Variants in DLGAP2 observed in about 807,000 individuals in gnomAD.
DLGAP2 encodes disks large-associated protein 2.
A neutral mutation model predicts 100.3 loss-of-function variants in DLGAP2; 26 were observed. The observed-to-expected ratio is 0.26, with a 90% CI of 0.19 to 0.36. DLGAP2 has a LOEUF of 0.36. Ranked by LOEUF, DLGAP2 falls within the 10% of genes least tolerant of loss-of-function variation. The probability of loss-of-function intolerance (pLI) is 1.00; values close to 1 mark genes in which losing one functional copy is unlikely to be tolerated. For missense variants in DLGAP2, 1,858 were observed against 1,453.2 expected (o/e 1.28, Z -4.53); for synonymous variants, 886 against 630.1 (o/e 1.41, Z -6.08).
At chr8:1,219,080 A>C (rs944920166) in intron 2 of DLGAP2, among the ~76,000 whole-genome samples, 18 of 152,146 alleles carry the variant, frequency 1.2e-4, no homozygotes, top group African/African-American at 3.4e-4. Flanking sequence ...AGGTAGTTTG[A>C]CTTCTTCTCT....
rs139848543 is a variant in DLGAP2 at position 805,425 on chromosome 8, A to G, written c.18+67600A>G. 5.9e-3 allele frequency among the ~76,000 whole-genome samples: 904 copies of G among 152,104 alleles called. 9 individuals are homozygous for G. The highest frequency in any genetic ancestry group is 0.02 in the African/African-American group (831 of 41,482). Reference sequence around the variant, plus strand: ...GTGCTTCCTCATCTTTGGGGCCACTACGTTTTTATGTCCCGCTAGACTCTT... The same window carrying G: ...GTGCTTCCTCATCTTTGGGGCCACTGCGTTTTTATGTCCCGCTAGACTCTT... On this transcript the variant is annotated intron_variant, in intron 1 of 14. Transcript: ENST00000637795.
chr8:1,645,075 A>T lies in DLGAP2; in HGVS notation c.1810+12029A>T, dbSNP rs971485149. Reference sequence around the variant, plus strand: ...GCACCACAGCACTCTAGCCTGGGTGACAGCAAGACCATGTCTCTAATGAAT... The same window carrying T: ...GCACCACAGCACTCTAGCCTGGGTGTCAGCAAGACCATGTCTCTAATGAAT... On this transcript the variant is annotated intron_variant, in intron 8 of 14. Transcript: ENST00000637795. Among the ~76,000 whole-genome samples, 13 of 152,354 alleles carry T rather than the reference A, an allele frequency of 8.5e-5. No individual in the cohort carries two copies. In the East Asian group the frequency reaches 2.5e-3, roughly 29 times the overall value.
chr8:1,637,087 C>T (rs758478356), intron 8 of DLGAP2, among the ~76,000 whole-genome samples: 2 of 152,216 alleles, frequency 1.3e-5, no homozygotes, highest in Non-Finnish European at 2.9e-5. Context: ...CAGGATGTCT[C>T]TGCAGACGTG....
At chr8:1,180,343 C>G (rs949005707) in intron 2 of DLGAP2, among the ~76,000 whole-genome samples, 2 of 152,230 alleles carry the variant, frequency 1.3e-5, no homozygotes, top group African/African-American at 2.4e-5. Context: ...ACCCTGGCCA[C>G]CAGAAGCACG....
At chr8:1,313,352 C>G (rs1288056567) in intron 3 of DLGAP2, among the ~76,000 whole-genome samples, 1 of 152,176 alleles carries the variant, frequency 6.6e-6, no homozygotes, top group African/African-American at 2.4e-5. Context: ...ACAAATTTGT[C>G]TTCTTCACCA....
chr8:1,199,506 C>G (rs1040836060), intron 2 of DLGAP2, among the ~76,000 whole-genome samples: 1 of 152,170 alleles, frequency 6.6e-6, no homozygotes, highest in Non-Finnish European at 1.5e-5. Flanking sequence ...TGAAGGCTGC[C>G]TGTGTGTCTG....
chr8:946,430 A>AT (rs1799324236), intron 2 of DLGAP2, among the ~76,000 whole-genome samples: 1 of 151,538 alleles, frequency 6.6e-6, no homozygotes, highest in African/African-American at 2.4e-5. Flanking sequence ...CGCCCGGCTA[A>AT]TTTTTTGTAG....
chr8:833,758 T>G (rs1796823162), intron 1 of DLGAP2, among the ~76,000 whole-genome samples: 1 of 152,248 alleles, frequency 6.6e-6, no homozygotes, highest in African/African-American at 2.4e-5. Flanking sequence ...TTTATTTAAA[T>G]GTATGCATAC....
chr8:1,112,061 C>G (rs972563249), intron 2 of DLGAP2, among the ~76,000 whole-genome samples: 1 of 152,060 alleles, frequency 6.6e-6, no homozygotes, highest in Non-Finnish European at 1.5e-5. Context: ...CACAACCTCA[C>G]CAGCATCCGT....
chr8:1,162,154 G>A (rs528305290), intron 2 of DLGAP2, among the ~76,000 whole-genome samples: 1 of 152,238 alleles, frequency 6.6e-6, no homozygotes, highest in Non-Finnish European at 1.5e-5. Flanking sequence ...AAGCCCTCCC[G>A]GCAGCAGGGG....
chr8:1,500,296 A>T (rs1290204591), intron 3 of DLGAP2, among the ~76,000 whole-genome samples: 2 of 152,182 alleles, frequency 1.3e-5, no homozygotes, highest in African/African-American at 2.4e-5. Context: ...CCTCCCTGAG[A>T]TCCAGCTGTG....
chr8:1,047,922 G>T (rs949092689), intron 2 of DLGAP2, among the ~76,000 whole-genome samples: 4 of 152,042 alleles, frequency 2.6e-5, no homozygotes, highest in Admixed American at 1.3e-4. Context: ...GTTTTATTCC[G>T]TTGATCTATA....
chr8:1,288,245 G>T (rs1318422551), intron 3 of DLGAP2, among the ~76,000 whole-genome samples: 2 of 142,106 alleles, frequency 1.4e-5, no homozygotes, highest in Non-Finnish European at 3.1e-5. Flanking sequence ...TTTCGTTTCA[G>T]TGTGTGTGTG....
chr8:1,113,497 G>C (rs1184725982), intron 2 of DLGAP2, among the ~76,000 whole-genome samples: 1 of 152,106 alleles, frequency 6.6e-6, no homozygotes, highest in Non-Finnish European at 1.5e-5. Context: ...TTAGCTCTCA[G>C]CTTGGCTGTT....
chr8:869,836 G>A (rs548482097), intron 1 of DLGAP2, among the ~76,000 whole-genome samples: 6 of 151,900 alleles, frequency 3.9e-5, no homozygotes, highest in African/African-American at 1.2e-4. Flanking sequence ...CCCCGGCAGC[G>A]GGACACGTTC....
At chr8:1,132,586 C>T (rs1006005471) in intron 2 of DLGAP2, among the ~76,000 whole-genome samples, 2 of 152,222 alleles carry the variant, frequency 1.3e-5, no homozygotes, top group East Asian at 1.9e-4. Flanking sequence ...GGCATGCACT[C>T]GCCCAACACA....
chr8:1,126,041 C>A (rs967011858), intron 2 of DLGAP2, among the ~76,000 whole-genome samples: 4 of 152,210 alleles, frequency 2.6e-5, no homozygotes, highest in Non-Finnish European at 5.9e-5. Flanking sequence ...TTGTGTATCC[C>A]CTGCCATGGT....
intron 1 of DLGAP2, chr8:739,583 A>G (rs1165099753): frequency 6.6e-6 from 1 of 152,210 alleles, no homozygotes; most frequent in Non-Finnish European, 1.5e-5. Flanking sequence ...CAAGGCCAAA[A>G]ATGGCGAAAT....
At chr8:899,561 A>G (rs1449553483) in intron 1 of DLGAP2, among the ~76,000 whole-genome samples, 3 of 152,284 alleles carry the variant, frequency 2.0e-5, no homozygotes, top group Middle Eastern at 3.4e-3. Context: ...TCTCTTAATT[A>G]CTTTTAATGC....
Sources: allele counts gnomAD v4.1 joint callset (sites outside exome capture counted in the v4.1 genomes callset), GRCh38; gene constraint gnomAD v4.1.1; transcripts MANE v1.5; gene names NCBI Gene and HGNC (gene_info 2026-07-23, HGNC 2026-07-21).